MYO1D: variants seen among roughly 807,000 people sequenced by gnomAD.
The protein encoded by MYO1D is unconventional myosin-Id.
MYO1D carries 83 observed loss-of-function variants against 122.0 expected under a neutral mutation model. The observed-to-expected ratio is 0.68, with a 90% confidence interval of 0.57 to 0.82. MYO1D has a LOEUF of 0.82. Ranked by LOEUF, MYO1D falls within the 40% of genes least tolerant of loss-of-function variation. The probability of loss-of-function intolerance (pLI) is 0.00; values close to 1 mark genes in which losing one functional copy is unlikely to be tolerated. For missense variants in MYO1D, 1,157 were observed against 1,269.5 expected (o/e 0.91, Z 1.35); for synonymous variants, 464 against 446.9 (o/e 1.04, Z -0.48).
chr17:32,495,994 G>T (rs758442704), intron 21 of MYO1D: 5 of 152,362 alleles, frequency 3.3e-5, no homozygotes, highest in Non-Finnish European at 7.3e-5. Context: ...TGAACGCCAA[G>T]CTGTCGTGTC....
intron 19 of MYO1D, among the ~76,000 whole-genome samples, chr17:32,641,445 A>G (rs2088199416): frequency 6.6e-6 from 1 of 152,154 alleles, no homozygotes. Flanking sequence ...CTTAGCATAT[A>G]CCCAGTAATG....
intron 21 of MYO1D, among the ~76,000 whole-genome samples, chr17:32,501,343 C>A (rs945206557): frequency 3.9e-5 from 6 of 152,184 alleles, no homozygotes; most frequent in African/African-American, 1.4e-4. Context: ...GAAACAAAAT[C>A]TCTCTCGCTG....
chr17:32,529,889 G>A (rs1910457255), intron 21 of MYO1D: 1 of 152,238 alleles, frequency 6.6e-6, no homozygotes, highest in African/African-American at 2.4e-5. Context: ...GAGCCAGGCA[G>A]TCTTCCCACT....
At chr17:32,733,666 C>A (rs2089665687) in intron 14 of MYO1D, among the ~76,000 whole-genome samples, 1 of 152,204 alleles carries the variant, frequency 6.6e-6, no homozygotes, top group South Asian at 2.1e-4. Context: ...AGGACCCAGC[C>A]TTGAATAACT....
At chr17:32,596,386 G>A (rs1356152907) in intron 21 of MYO1D, among the ~76,000 whole-genome samples, 2 of 152,158 alleles carry the variant, frequency 1.3e-5, no homozygotes, top group African/African-American at 4.8e-5. Flanking sequence ...AGGGCCAGGC[G>A]CTGGGACCTT....
chr17:32,688,010 A>T (rs186475003), intron 16 of MYO1D, among the ~76,000 whole-genome samples: 8 of 152,316 alleles, frequency 5.3e-5, no homozygotes, highest in Admixed American at 3.3e-4. Context: ...CTGGTTAAAG[A>T]CTACAAAAAA....
intron 16 of MYO1D, among the ~76,000 whole-genome samples, chr17:32,671,622 T>C (rs1597991846): frequency 6.6e-6 from 1 of 152,220 alleles, no homozygotes; most frequent in Admixed American, 6.5e-5. Flanking sequence ...TTTTAAAAAT[T>C]TGAATTTTCT....
rs535093301 is a variant in MYO1D, at chr17:32,636,515, C to T, written c.2709+2207G>A. On this transcript the variant is annotated intron_variant, in intron 20 of 21. Coordinates refer to ENST00000318217, the MANE Select transcript of MYO1D (RefSeq NM_015194.3). ...TCTAGTTGGAAGTTCCCCATCACAT[C>T]GAACTTGCTCCCTCTGAAAAGGTGG... is the stretch of plus-strand genomic sequence containing the variant. 3.9e-5 allele frequency among the ~76,000 whole-genome samples: 6 copies of T among 152,298 alleles called. No individual in the cohort carries two copies. The South Asian group carries it at 6.2e-4, about 16-fold the overall frequency.
At chr17:32,829,515 G>T (rs9898669) in intron 1 of MYO1D, among the ~76,000 whole-genome samples, 1 of 152,116 alleles carries the variant, frequency 6.6e-6, no homozygotes, top group African/African-American at 2.4e-5. Flanking sequence ...GCACAGTGGC[G>T]CAATCTCAGC....
At chr17:32,700,920 G>T (rs1226891591) in intron 16 of MYO1D, among the ~76,000 whole-genome samples, 2 of 136,752 alleles carry the variant, frequency 1.5e-5, no homozygotes, top group African/African-American at 2.7e-5. Context: ...CTCCAGCTTG[G>T]ATGACAGAGT....
intron 1 of MYO1D, among the ~76,000 whole-genome samples, chr17:32,826,306 C>T (rs2151061827): frequency 6.6e-6 from 1 of 152,166 alleles, no homozygotes; most frequent in African/African-American, 2.4e-5. Flanking sequence ...CACCTCCCAT[C>T]CCCACCCATT....
chr17:32,615,607 AGATG>A (rs1418760432), intron 20 of MYO1D, among the ~76,000 whole-genome samples: 1 of 152,256 alleles, frequency 6.6e-6, no homozygotes, highest in Non-Finnish European at 1.5e-5. Context: ...CAGCTTCTCC[AGATG>A]GCAAATGATT....
At position 32,654,626 on chromosome 17, in the gene MYO1D, A is replaced by G. The variant is rs1309872349; in HGVS notation, c.2346-5T>C. ...ATGAGCTGGGATGCTCTCCATCTACAAGTAAATAGACAACATGTATTAGAC... is the reference window on the plus strand; with the variant it reads ...ATGAGCTGGGATGCTCTCCATCTACGAGTAAATAGACAACATGTATTAGAC... On this transcript the variant is annotated splice_polypyrimidine_tract_variant and splice_region_variant and intron_variant, in intron 17 of 21. Transcript: ENST00000318217. 1 of 1,597,350 alleles carries G rather than the reference A, an allele frequency of 6.3e-7. No homozygotes were observed. The highest frequency in any genetic ancestry group is 1.4e-5 in the African/African-American group (1 of 73,996).
At chr17:32,748,599 T>C (rs1438565392) in intron 12 of MYO1D, among the ~76,000 whole-genome samples, 1 of 152,166 alleles carries the variant, frequency 6.6e-6, no homozygotes, top group African/African-American at 2.4e-5. Flanking sequence ...AAACTGTTGG[T>C]TCTTTAGGGC....
intron 21 of MYO1D, among the ~76,000 whole-genome samples, chr17:32,553,346 C>A (rs2150885843): frequency 6.6e-6 from 1 of 152,288 alleles, no homozygotes; most frequent in South Asian, 2.1e-4. Flanking sequence ...CTGAATAGGA[C>A]TGCCTTTACA....
intron 21 of MYO1D, among the ~76,000 whole-genome samples, chr17:32,547,388 T>C (rs2086972603): frequency 6.6e-6 from 1 of 152,242 alleles, no homozygotes; most frequent in Non-Finnish European, 1.5e-5. Context: ...ATGGGACAGG[T>C]ATTTTTATCC....
rs545267106 is a variant in MYO1D at position 32,510,353 on chromosome 17, C to G, written c.2865-15438G>C. Reference sequence around the variant, plus strand: ...GACATTCTGACCCAGCCCCTGACCCCCTCCCTGCACAGGCACTTTCACCAC... The same window carrying G: ...GACATTCTGACCCAGCCCCTGACCCGCTCCCTGCACAGGCACTTTCACCAC... On this transcript the variant is annotated intron_variant, in intron 21 of 21. Coordinates refer to ENST00000318217, the MANE Select transcript of MYO1D (RefSeq NM_015194.3). 7.2e-5 allele frequency: 11 copies of G among 152,364 alleles called. No individual in the cohort carries two copies. In the East Asian group the frequency reaches 2.1e-3, roughly 29 times the overall value. The allele number at this position is 152,364 out of a possible 1,614,324, so 9.4% of individuals were successfully genotyped here.
rs564083606 is a variant in MYO1D at position 32,765,408 on chromosome 17, C to G, written c.832-327G>C. On this transcript the variant is annotated intron_variant, in intron 7 of 21. Coordinates refer to ENST00000318217, the MANE Select transcript of MYO1D (RefSeq NM_015194.3). The stretch of plus-strand genomic sequence containing the variant: ...CCAAAGGGTTTATGAGCATTTGATG[C>G]TTTCCTCTAATGCTTTTATAGTTTT... 9.2e-5 allele frequency among the ~76,000 whole-genome samples: 14 copies of G among 152,154 alleles called. No homozygotes were observed. In the South Asian group the frequency reaches 2.3e-3, roughly 25 times the overall value.
intron 10 of MYO1D, among the ~76,000 whole-genome samples, chr17:32,759,221 T>C (rs578002638): frequency 9.9e-5 from 15 of 152,256 alleles, no homozygotes; most frequent in African/African-American, 3.4e-4. Flanking sequence ...TTGGTTTATA[T>C]GCAGATAGGT....
Sources: allele counts gnomAD v4.1 joint callset (sites outside exome capture counted in the v4.1 genomes callset), GRCh38; gene constraint gnomAD v4.1.1; transcripts MANE v1.5; gene names NCBI Gene and HGNC (gene_info 2026-07-23, HGNC 2026-07-21).